EPHB2: variants seen among roughly 807,000 people sequenced by gnomAD.
EPHB2 encodes ephrin type-B receptor 2.
A neutral mutation model predicts 96.4 loss-of-function variants in EPHB2; 18 were observed. The ratio of observed to expected loss-of-function variants is 0.19; its 90% CI spans 0.13 to 0.28. EPHB2 has a LOEUF of 0.28. Among genes scored for constraint, EPHB2 ranks in the 10% least tolerant of loss-of-function variants. EPHB2 has a pLI of 1.00. For synonymous variants in EPHB2, 506 were observed against 534.1 expected, an observed-to-expected ratio of 0.95 and a Z score of 0.72; for missense variants, 989 against 1,355.4, an observed-to-expected ratio of 0.73 and a Z score of 4.25.
At chr1:22,849,599 T>C (rs1022784201) in intron 3 of EPHB2, among the ~76,000 whole-genome samples, 1 of 152,224 alleles carries the variant, frequency 6.6e-6, no homozygotes, top group Non-Finnish European at 1.5e-5. Context: ...GACAGAAGCA[T>C]GTTTAGTCCT....
At chr1:22,804,550 A>T (rs1232673084) in intron 3 of EPHB2, among the ~76,000 whole-genome samples, 1 of 151,764 alleles carries the variant, frequency 6.6e-6, no homozygotes, top group African/African-American at 2.4e-5. Flanking sequence ...AGTCATGCAG[A>T]CTCACTCACA....
chr1:22,882,633 C>A, intron 6 of EPHB2, 150 bp downstream of exon 6: 3 of 1,218,110 alleles, frequency 2.5e-6, no homozygotes, highest in Non-Finnish European at 3.5e-6. Context: ...GCCTGGCTCC[C>A]AATCCAGCTC....
At chr1:22,863,258 A>G in intron 4 of EPHB2, 66 bp downstream of exon 4, 1 of 1,610,238 alleles carries the variant, frequency 6.2e-7, no homozygotes, top group East Asian at 2.2e-5. Context: ...AGAAAAGCTC[A>G]GAGTGAGGAT....
Position 22,784,565 on chromosome 1 carries a change from C to T in EPHB2, c.300C>T (p.Ile100=), listed in dbSNP as rs761536981. 23 of 1,614,060 alleles carry T rather than the reference C, an allele frequency of 1.4e-5. No individual in the cohort carries two copies. In the East Asian group the frequency reaches 1.8e-4, roughly 13 times the overall value. The change falls in exon 3 of 16, where the codon ATC becomes ATT. Residue 100 remains isoleucine, a synonymous_variant. Transcript: ENST00000374630. This position sits in a 1 kb window ranked among gnomAD's most constrained non-coding sequence, Gnocchi z 5.1. ...MKFSVRDCSS[I]PSVPGSCKET... ...TTTCGGTGCGTGACTGCAGCAGCAT[C>T]CCCAGCGTGCCTGGCTCCTGCAAGG...
chr1:22,774,879 A>G (rs1644427984), intron 1 of EPHB2, among the ~76,000 whole-genome samples: 1 of 152,196 alleles, frequency 6.6e-6, no homozygotes, highest in African/African-American at 2.4e-5. Flanking sequence ...GAGACATCAG[A>G]AGAACAGGAT....
intron 5 of EPHB2, among the ~76,000 whole-genome samples, chr1:22,872,057 A>C (rs187018914): frequency 9.2e-5 from 14 of 152,256 alleles, no homozygotes; most frequent in African/African-American, 3.4e-4. Flanking sequence ...CATCAAGCTA[A>C]AAGCAGTGTT....
In EPHB2 at chr1:22,846,130, A is replaced by G. The variant is rs1389404437; in HGVS notation, c.812-16907A>G. 6.6e-6 allele frequency among the ~76,000 whole-genome samples: 1 copy of G among 152,208 alleles called. No individual in the cohort carries two copies. The highest frequency in any genetic ancestry group is 1.5e-5 in the Non-Finnish European group (1 of 68,042). ...GGACTTAATGATTCAAGAATGTCCC[A>G]GGGCGTGGCCAGGTGCGGTGGTTCA... On this transcript the variant is annotated intron_variant, in intron 3 of 15. Coordinates refer to ENST00000374630, the MANE Select transcript of EPHB2 (RefSeq NM_017449.5). The surrounding 1 kb of genome is among the most constrained non-coding windows in gnomAD (Gnocchi z 4.3).
chr1:22,813,456 T>C (rs573108443), intron 3 of EPHB2, among the ~76,000 whole-genome samples: 27 of 152,224 alleles, frequency 1.8e-4, no homozygotes, highest in Middle Eastern at 6.8e-3. Flanking sequence ...CAAGGCCTTA[T>C]CTGTGGTGCA....
chr1:22,723,342 T>C (rs1003548609), intron 1 of EPHB2, among the ~76,000 whole-genome samples: 13 of 152,138 alleles, frequency 8.5e-5, no homozygotes, highest in Admixed American at 5.2e-4. Context: ...TCTGTTCGAG[T>C]CAGGGCTCTG....
intron 6 of EPHB2, among the ~76,000 whole-genome samples, chr1:22,884,232 G>A (rs970614612): frequency 3.9e-5 from 6 of 152,192 alleles, no homozygotes; most frequent in East Asian, 1.9e-4. Context: ...CTGGCTGGGC[G>A]CGGTGGCTCA....
intron 6 of EPHB2, among the ~76,000 whole-genome samples, chr1:22,890,776 T>G (rs1436090531): frequency 6.6e-6 from 1 of 152,126 alleles, no homozygotes. Context: ...TTGCACAAGA[T>G]CTGATGGTTT....
intron 1 of EPHB2, among the ~76,000 whole-genome samples, chr1:22,762,337 A>C (rs182548142): frequency 1.1e-3 from 174 of 152,188 alleles, no homozygotes; most frequent in Admixed American, 2.6e-3. Context: ...GGGCTGCAGG[A>C]CCCTCAGCTG....
intron 3 of EPHB2, among the ~76,000 whole-genome samples, chr1:22,802,583 G>A (rs1465238266): frequency 1.3e-5 from 2 of 152,114 alleles, no homozygotes; most frequent in Non-Finnish European, 2.9e-5. Context: ...GCTCCGAGAG[G>A]AGAAAGGTCT....
chr1:22,793,309 C>T (rs148592407), intron 3 of EPHB2, among the ~76,000 whole-genome samples: 3 of 152,254 alleles, frequency 2.0e-5, no homozygotes, highest in East Asian at 1.9e-4. Context: ...GAAGGCCCTC[C>T]GTACCGTCCC....
intron 1 of EPHB2, among the ~76,000 whole-genome samples, chr1:22,767,195 G>C (rs1644318507): frequency 6.6e-6 from 1 of 152,174 alleles, no homozygotes; most frequent in Non-Finnish European, 1.5e-5. Context: ...ACTAGGAAAG[G>C]GCATCAGACA....
intron 1 of EPHB2, among the ~76,000 whole-genome samples, chr1:22,744,736 G>A (rs1431808279): frequency 1.4e-5 from 2 of 146,992 alleles, no homozygotes; most frequent in Non-Finnish European, 3.0e-5. Flanking sequence ...TGCACTTGTA[G>A]TCTCAGCTAT....
intron 3 of EPHB2, among the ~76,000 whole-genome samples, chr1:22,810,759 C>A (rs936327581): frequency 2.0e-5 from 3 of 152,122 alleles, no homozygotes; most frequent in African/African-American, 7.2e-5. Flanking sequence ...CCATCCAGGC[C>A]CCATCTGATT....
At chr1:22,864,190 C>T (rs1638383628) in intron 4 of EPHB2, among the ~76,000 whole-genome samples, 1 of 152,144 alleles carries the variant, frequency 6.6e-6, no homozygotes, top group African/African-American at 2.4e-5. Context: ...GGATTACAGG[C>T]ATCCGCCATC....
intron 3 of EPHB2, among the ~76,000 whole-genome samples, chr1:22,852,906 G>T (rs763228462): frequency 6.6e-6 from 1 of 152,224 alleles, no homozygotes; most frequent in Non-Finnish European, 1.5e-5. Flanking sequence ...GAGATGGGAG[G>T]TGGAGAGACA....
Sources: allele counts gnomAD v4.1 joint callset (sites outside exome capture counted in the v4.1 genomes callset), GRCh38; gene constraint gnomAD v4.1.1; non-coding constraint Gnocchi (gnomAD v3.1); transcripts MANE v1.5; gene names NCBI Gene and HGNC (gene_info 2026-07-23, HGNC 2026-07-21).